MVB12B: variants seen among roughly 807,000 people sequenced by gnomAD.
MVB12B encodes ESCRT-I complex subunit MVB12B.
In MVB12B, 16 loss-of-function variants were observed where a neutral mutation model predicts 41.6. That is an observed-to-expected ratio of 0.38 (90% CI 0.26 to 0.58). The LOEUF (loss-of-function observed/expected upper bound fraction) is 0.58. Among genes scored for constraint, MVB12B ranks in the 20% least tolerant of loss-of-function variants. The pLI is 0.62. For missense variants in MVB12B, 274 were observed against 380.2 expected, an observed-to-expected ratio of 0.72 and a Z score of 2.32; for synonymous variants, 133 against 139.7, an observed-to-expected ratio of 0.95 and a Z score of 0.34.
At chr9:126,336,144 C>T (rs1160459176) in intron 1 of MVB12B, among the ~76,000 whole-genome samples, 1 of 152,238 alleles carries the variant, frequency 6.6e-6, no homozygotes, top group Admixed American at 6.5e-5. Flanking sequence ...GGCCCACACC[C>T]CGCTGCTGGA....
intron 7 of MVB12B, among the ~76,000 whole-genome samples, chr9:126,434,631 T>C (rs1832421777): frequency 6.6e-6 from 1 of 152,196 alleles, no homozygotes; most frequent in African/African-American, 2.4e-5. Flanking sequence ...AAATATGCCC[T>C]GTGTAGCAAA....
intron 1 of MVB12B, among the ~76,000 whole-genome samples, chr9:126,338,169 C>G (rs1396147300): frequency 6.6e-6 from 1 of 152,210 alleles, no homozygotes; most frequent in African/African-American, 2.4e-5. Context: ...CGCCTCCGTC[C>G]GGGGCACAGC....
intron 7 of MVB12B, chr9:126,426,975 T>TTTTCTTTA (rs1159073993): frequency 6.6e-6 from 1 of 152,368 alleles, no homozygotes; most frequent in Admixed American, 6.5e-5. Context: ...AGTGCTCTTG[T>TTTTCTTTA]TTTCTTTATT....
At chr9:126,396,631 G>A (rs764622489) in intron 6 of MVB12B, 6 of 985,296 alleles carry the variant, frequency 6.1e-6, no homozygotes, top group South Asian at 4.7e-5. Context: ...CCAAGCCTCC[G>A]TCTCACTTGG....
At chr9:126,503,054 CCA>C (rs1833992908) in intron 9 of MVB12B, 121 bp from the exon 10 acceptor site, 1 of 859,974 alleles carries the variant, frequency 1.2e-6, no homozygotes, top group Non-Finnish European at 1.9e-6. Flanking sequence ...GCCAGCTGCG[CCA>C]TGTCAAGATG....
rs571371699 is a variant in MVB12B at position 126,395,054 on chromosome 9, G to A, written c.540-521G>A. ...CTAGTTGTGTGGTTCATGGGGCCTC[G>A]AGTTTTGTAGTTTGAAGATGACTCC... On this transcript the variant is annotated intron_variant, in intron 5 of 9. Transcript: ENST00000361171. The surrounding 1 kb of genome is among the most constrained non-coding windows in gnomAD (Gnocchi z 4.9). Among the ~76,000 whole-genome samples, 18 of 152,186 alleles carry A rather than the reference G, an allele frequency of 1.2e-4. No individual in the cohort carries two copies. The highest frequency in any genetic ancestry group is 3.9e-4 in the East Asian group (2 of 5,174).
intron 2 of MVB12B, among the ~76,000 whole-genome samples, chr9:126,347,443 C>A (rs375865688): frequency 7.2e-5 from 11 of 152,300 alleles, no homozygotes; most frequent in African/African-American, 1.4e-4. Context: ...AACAACTGGA[C>A]CTGTATAATT....
At chr9:126,483,061 A>G (rs1251059738) in intron 8 of MVB12B, among the ~76,000 whole-genome samples, 1 of 152,182 alleles carries the variant, frequency 6.6e-6, no homozygotes, top group African/African-American at 2.4e-5. Flanking sequence ...CTCCCCTCCC[A>G]TCCCTGAGCT....
chr9:126,399,527 C>A (rs963548855), intron 6 of MVB12B, among the ~76,000 whole-genome samples: 4 of 152,204 alleles, frequency 2.6e-5, no homozygotes, highest in Admixed American at 2.0e-4. Context: ...AGAGGAAACA[C>A]CTTCCTGGCC....
intron 7 of MVB12B, among the ~76,000 whole-genome samples, chr9:126,430,576 C>CTT (rs35379005): frequency 1.6e-4 from 23 of 145,184 alleles, no homozygotes; most frequent in East Asian, 6.1e-4. Flanking sequence ...AGGCTCCCCT[C>CTT]TTTTTTTTTT....
intron 7 of MVB12B, among the ~76,000 whole-genome samples, chr9:126,444,152 A>C (rs1223157305): frequency 6.6e-6 from 1 of 152,118 alleles, no homozygotes; most frequent in Non-Finnish European, 1.5e-5. Context: ...GATACAATGT[A>C]CTTTACCTAG....
chr9:126,492,827 G>A (rs1360597230), intron 9 of MVB12B, among the ~76,000 whole-genome samples: 1 of 152,228 alleles, frequency 6.6e-6, no homozygotes, highest in Non-Finnish European at 1.5e-5. Context: ...CTGGGTGACA[G>A]AGAGAGACCC....
At chr9:126,361,576 C>T (rs1223367832) in intron 2 of MVB12B, among the ~76,000 whole-genome samples, 1 of 140,000 alleles carries the variant, frequency 7.1e-6, no homozygotes, top group East Asian at 2.2e-4. Flanking sequence ...AATTTTCCTT[C>T]AGCCTGAGGA....
intron 7 of MVB12B, among the ~76,000 whole-genome samples, chr9:126,427,508 G>A (rs555255179): frequency 5.3e-5 from 8 of 152,206 alleles, no homozygotes; most frequent in South Asian, 2.1e-4. Context: ...CTTAACAAAC[G>A]GGACTGTGGG....
chr9:126,372,431 C>T (rs1382329534), intron 2 of MVB12B, among the ~76,000 whole-genome samples: 1 of 152,186 alleles, frequency 6.6e-6, no homozygotes, highest in Non-Finnish European at 1.5e-5. Context: ...CTATGTCTAA[C>T]ATTTTGAGGA....
chr9:126,478,071 T>G lies in MVB12B; in HGVS notation c.758-3298T>G, dbSNP rs1833453997. On this transcript the variant is annotated intron_variant, in intron 7 of 9. Coordinates refer to ENST00000361171, the MANE Select transcript of MVB12B (RefSeq NM_033446.3). The surrounding 1 kb of genome is among the most constrained non-coding windows in gnomAD (Gnocchi z 4.2). Reference sequence around the variant, plus strand: ...GTTTGGCTTTGGAGCGATGGAAATATTTTGGAACTAGATGGAGGTGATGAT... The same window carrying G: ...GTTTGGCTTTGGAGCGATGGAAATAGTTTGGAACTAGATGGAGGTGATGAT... Among the ~76,000 whole-genome samples, 2 of 152,234 alleles carry G rather than the reference T, an allele frequency of 1.3e-5. No individual in the cohort carries two copies. The highest frequency in any genetic ancestry group is 4.8e-5 in the African/African-American group (2 of 41,462).
intron 1 of MVB12B, among the ~76,000 whole-genome samples, chr9:126,334,865 T>A (rs935006944): frequency 2.6e-5 from 4 of 152,216 alleles, no homozygotes; most frequent in Non-Finnish European, 5.9e-5. Context: ...CTGTAGAACT[T>A]GATCCTGAAT....
At chr9:126,412,234 G>A (rs1831672192) in intron 6 of MVB12B, among the ~76,000 whole-genome samples, 1 of 152,182 alleles carries the variant, frequency 6.6e-6, no homozygotes, top group East Asian at 1.9e-4. Context: ...TTCATTAAAT[G>A]GCATTCATTA....
At chr9:126,428,360 G>A (rs1832238455) in intron 7 of MVB12B, among the ~76,000 whole-genome samples, 1 of 151,934 alleles carries the variant, frequency 6.6e-6, no homozygotes, top group South Asian at 2.1e-4. Flanking sequence ...TAAAATTTCT[G>A]CCACCAGCTT....
Sources: allele counts gnomAD v4.1 joint callset (sites outside exome capture counted in the v4.1 genomes callset), GRCh38; gene constraint gnomAD v4.1.1; non-coding constraint Gnocchi (gnomAD v3.1); transcripts MANE v1.5; gene names NCBI Gene and HGNC (gene_info 2026-07-23, HGNC 2026-07-21).